Variants in POLA1 observed in about 807,000 individuals in gnomAD.
The protein encoded by POLA1 is DNA polymerase alpha catalytic subunit.
In POLA1, 15 loss-of-function variants were observed where a neutral mutation model predicts 124.0. The ratio of observed to expected loss-of-function variants is 0.12; its 90% CI spans 0.08 to 0.19. The LOEUF is 0.19. Among genes scored for constraint, POLA1 ranks in the 10% least tolerant of loss-of-function variants. The pLI is 1.00. For missense variants in POLA1, 886 were observed against 1,103.4 expected (o/e 0.80, Z 2.79); for synonymous variants, 408 against 389.4 (o/e 1.05, Z -0.56).
intron 36 of POLA1, among the ~76,000 whole-genome samples, chrX:24,951,759 T>G (rs1250720762): frequency 8.9e-6 from 1 of 112,000 alleles, no homozygotes; most frequent in Non-Finnish European, 1.9e-5. Context: ...TTATTCAGAC[T>G]TCAAAATATT....
intron 35 of POLA1, among the ~76,000 whole-genome samples, chrX:24,908,596 T>C (rs1380070319): frequency 9.0e-6 from 1 of 110,992 alleles, no homozygotes; most frequent in Non-Finnish European, 1.9e-5. Context: ...TAGTATTCCA[T>C]GGTGTATATG....
At position 24,825,229 on chromosome X, in the gene POLA1, A is replaced by G. The variant is rs772400805; in HGVS notation, c.3562-1198A>G. Among the ~76,000 whole-genome samples, 131 of 112,654 alleles carry G rather than the reference A, an allele frequency of 1.2e-3. 2 individuals carry two copies. The highest frequency in any genetic ancestry group is 4.1e-3 in the African/African-American group (128 of 31,049). On this transcript the variant is annotated intron_variant, in intron 31 of 36. Transcript: ENST00000379068. ...CTATGTTGTAAACTCCTGACAAATA[A>G]TAATAAGTCTTTTAATCTGAGTTTG...
chrX:24,716,741 A>C (rs1929867478), intron 7 of POLA1, 143 bp from the exon 8 acceptor site: 3 of 434,558 alleles, frequency 6.9e-6, no homozygotes, highest in African/African-American at 2.5e-5. Context: ...CCTAGGTAAC[A>C]GTAAAATAAT....
At chrX:24,939,395 T>TA (rs750369212) in intron 36 of POLA1, among the ~76,000 whole-genome samples, 149 of 112,538 alleles carry the variant, frequency 1.3e-3, no homozygotes, top group African/African-American at 4.6e-3. Context: ...AATTTACTTT[T>TA]AAAATGTATT....
intron 35 of POLA1, among the ~76,000 whole-genome samples, chrX:24,913,775 C>T (rs1260050216): frequency 9.1e-6 from 1 of 109,434 alleles, no homozygotes; most frequent in Admixed American, 9.8e-5. Flanking sequence ...CACCTGTTAT[C>T]CCAGCATCTT....
rs1403367117 is a variant in POLA1 at position 24,703,253 on chromosome X, C to G, written c.171C>G (p.Val57=). 1 of 1,189,585 alleles carries G rather than the reference C, an allele frequency of 8.4e-7. No individual in the cohort carries two copies. The highest frequency in any genetic ancestry group is 1.8e-5 in the South Asian group (1 of 55,431). The part of the protein sequence containing the change: ...AKAGEKYKYE[V]EDFTGVYEEV... Reference sequence around the variant, plus strand: ...TCCTGAAACTTGTATAATGGTAGGTCGAGGACTTCACAGGTGTTTATGAAG... The same window carrying G: ...TCCTGAAACTTGTATAATGGTAGGTGGAGGACTTCACAGGTGTTTATGAAG... The change falls in exon 3 of 37, where the codon GTC becomes GTG. Residue 57 remains valine, a splice_region_variant and synonymous_variant. Transcript: ENST00000379068.
chrX:24,721,931 AT>A (rs764492755), intron 10 of POLA1, among the ~76,000 whole-genome samples: 64 of 110,177 alleles, frequency 5.8e-4, no homozygotes, highest in Admixed American at 1.6e-3. Flanking sequence ...AGTTACTGTG[AT>A]TTTTTTTCTT....
intron 34 of POLA1, among the ~76,000 whole-genome samples, chrX:24,867,005 AG>A (rs756143561): frequency 1.8e-5 from 2 of 112,027 alleles, no homozygotes; most frequent in East Asian, 5.6e-4. Context: ...TTGTTTATGA[AG>A]GCAAAATTAA....
chrX:24,840,186 G>A (rs2046392221), intron 32 of POLA1, among the ~76,000 whole-genome samples: 1 of 112,064 alleles, frequency 8.9e-6, no homozygotes, highest in South Asian at 3.7e-4. Context: ...TTCCTACAAC[G>A]AGTAGCTATT....
At chrX:24,899,757 AGGCG>A (rs2047252004) in intron 35 of POLA1, among the ~76,000 whole-genome samples, 1 of 111,562 alleles carries the variant, frequency 9.0e-6, no homozygotes, top group Admixed American at 9.5e-5. Flanking sequence ...CCTAAAAGTG[AGGCG>A]TATTGCTTTG....
Position 24,716,431 on chromosome X carries a change from C to G in POLA1, c.595C>G (p.Pro199Ala), listed in dbSNP as rs748009088. 1 of 1,155,283 alleles carries G rather than the reference C, an allele frequency of 8.7e-7. No individual in the cohort carries two copies. Among genetic ancestry groups the G allele is most frequent in the Non-Finnish European group, 1.2e-6 (1 of 843,982 alleles). ...KKRSIGASPNPFSVHTATAVP... is the reference protein window; with the variant it reads ...KKRSIGASPNAFSVHTATAVP... Reference sequence around the variant, plus strand: ...AAGATCCATTGGAGCTTCACCGAATCCTTTCTCTGTGCACACCGCCACGGT... The same window carrying G: ...AAGATCCATTGGAGCTTCACCGAATGCTTTCTCTGTGCACACCGCCACGGT... Residue 199 changes from proline to alanine, a missense_variant, in exon 7 of 37, where the codon CCT becomes GCT. Around this residue, in one of 7 missense-constraint regions of POLA1, gnomAD observed 337 missense variants for 402.8 expected, o/e 0.84. Transcript: ENST00000379068.
chrX:24,931,258 A>G (rs2047774991), intron 36 of POLA1, among the ~76,000 whole-genome samples: 1 of 111,396 alleles, frequency 9.0e-6, no homozygotes, highest in Non-Finnish European at 1.9e-5. Flanking sequence ...GCAGATTTAT[A>G]CATTTTTCTT....
intron 36 of POLA1, among the ~76,000 whole-genome samples, chrX:24,977,067 A>C (rs921881197): frequency 8.9e-6 from 1 of 112,295 alleles, no homozygotes; most frequent in Admixed American, 9.4e-5. Flanking sequence ...GGCCTGATGC[A>C]CAGCTGTTAT....
intron 26 of POLA1, among the ~76,000 whole-genome samples, chrX:24,786,710 A>C (rs1490650262): frequency 2.4e-5 from 1 of 41,847 alleles, no homozygotes; most frequent in East Asian, 7.7e-4. Flanking sequence ...TTTTTTTTTG[A>C]GACGGCCTCA....
intron 29 of POLA1, among the ~76,000 whole-genome samples, chrX:24,814,524 T>A (rs899335200): frequency 3.6e-5 from 4 of 112,025 alleles, no homozygotes; most frequent in Non-Finnish European, 5.6e-5. Flanking sequence ...TTTCTACTCA[T>A]CTAGCGCATG....
rs999771755 is a variant in POLA1, at chrX:24,864,055, C to G, written c.4047+20378C>G. Among the ~76,000 whole-genome samples, 23 of 109,893 alleles carry G rather than the reference C, an allele frequency of 2.1e-4. No homozygotes were observed. In the Admixed American group the frequency reaches 2.3e-3, roughly 11 times the overall value. On this transcript the variant is annotated intron_variant, in intron 34 of 36. Transcript: ENST00000379068. ...GGAGTGAAGTGGCACAATCTCGGCT[C>G]ACTGCAACCTCTACTTCCCGGGTTC...
intron 34 of POLA1, 129 bp downstream of exon 34, chrX:24,843,806 A>G (rs1294612447): frequency 4.7e-5 from 16 of 340,140 alleles, no homozygotes; most frequent in Middle Eastern, 7.6e-4. Context: ...CTATTAATAC[A>G]AATATGATAA....
At chrX:24,785,562 T>G (rs2045346424) in intron 26 of POLA1, among the ~76,000 whole-genome samples, 1 of 112,582 alleles carries the variant, frequency 8.9e-6, no homozygotes, top group South Asian at 3.6e-4. Context: ...GTTGTTACAT[T>G]AGTGTGATTC....
intron 4 of POLA1, among the ~76,000 whole-genome samples, chrX:24,710,646 A>C (rs1384263352): frequency 9.2e-6 from 1 of 108,558 alleles, no homozygotes; most frequent in Non-Finnish European, 1.9e-5. Flanking sequence ...CTAGGAGTGA[A>C]ATTGTGTATA....
Sources: allele counts gnomAD v4.1 joint callset (sites outside exome capture counted in the v4.1 genomes callset), GRCh38; gene constraint gnomAD v4.1.1; regional missense constraint gnomAD v4.1.1; transcripts MANE v1.5; gene names NCBI Gene and HGNC (gene_info 2026-07-23, HGNC 2026-07-21).